Variants in COL22A1 observed in about 807,000 individuals in gnomAD.
COL22A1 encodes the protein collagen type XXII alpha 1 chain.
A neutral mutation model predicts 248.9 loss-of-function variants in COL22A1; 221 were observed. That is an observed-to-expected ratio of 0.89 (90% CI 0.80 to 0.99). The LOEUF (loss-of-function observed/expected upper bound fraction) is 0.99, where lower values mean the gene tolerates loss of function less well. Ranked by LOEUF, COL22A1 falls within the 50% of genes least tolerant of loss-of-function variation. The probability of loss-of-function intolerance (pLI) is 0.00; values close to 1 mark genes in which losing one functional copy is unlikely to be tolerated. For missense variants in COL22A1, 2,240 were observed against 2,179.0 expected (o/e 1.03, Z -0.56); for synonymous variants, 891 against 793.4 (o/e 1.12, Z -2.07).
At chr8:138,820,804 C>T (rs182825223) in intron 7 of COL22A1, among the ~76,000 whole-genome samples, 7 of 152,270 alleles carry the variant, frequency 4.6e-5, no homozygotes, top group Non-Finnish European at 7.4e-5. Flanking sequence ...ATTGTTTATG[C>T]GGCCAGATCC....
intron 42 of COL22A1, among the ~76,000 whole-genome samples, chr8:138,663,012 T>TCTCACACACACACACACA (rs1554737802): frequency 1.4e-5 from 2 of 140,770 alleles, no homozygotes; most frequent in African/African-American, 5.2e-5. Context: ...CAGGACTCTG[T>TCTCACACACACACACACA]CACTCACACA....
At chr8:138,712,427 G>T (rs1202644486) in intron 30 of COL22A1, among the ~76,000 whole-genome samples, 2 of 152,096 alleles carry the variant, frequency 1.3e-5, no homozygotes, top group Non-Finnish European at 2.9e-5. Context: ...ACTCAGGGTG[G>T]GACTCCCAAC....
In COL22A1 at chr8:138,716,848, G is replaced by T. The variant is rs932984397; in HGVS notation, c.2377C>A (p.Leu793Met). 6.2e-7 allele frequency: 1 copy of T among 1,612,370 alleles called. No homozygotes were observed. Among genetic ancestry groups the T allele is most frequent in the Admixed American group, 1.7e-5 (1 of 60,024 alleles). Residue 793 changes from leucine to methionine, a missense_variant, in exon 28 of 65, where the codon CTG becomes ATG. Coordinates refer to ENST00000303045, the MANE Select transcript of COL22A1 (RefSeq NM_152888.3). ...GLRGEIGEQG[L>M]AGRPGEKGEA... Reference sequence around the variant, plus strand: ...ACCTTCTCTCCAGGTCGGCCTGCCAGGCCCTGCTCCCCAATTTCTCCCTGA... The same window carrying T: ...ACCTTCTCTCCAGGTCGGCCTGCCATGCCCTGCTCCCCAATTTCTCCCTGA...
In COL22A1 at chr8:138,589,438, G is replaced by A. The variant is rs780444476; in HGVS notation, c.4696C>T (p.Gln1566Ter). Residue 1566 changes from glutamine (Q) to a stop codon, truncating the protein, a stop_gained and splice_region_variant, in exon 65 of 65, where the codon CAA becomes TAA. Coordinates refer to ENST00000303045, the MANE Select transcript of COL22A1 (RefSeq NM_152888.3). LOFTEE classifies it high-confidence loss of function. The part of the protein sequence containing the change: ...GEMGPPGIPG[Q>*]PGEPGYAKDG... ...TTAGCATAGCCAGGTTCCCCGGGTT[G>A]ACCTGGCCCAAGGAGCAAAAGAAAC... 6.5e-7 allele frequency: 1 copy of A among 1,544,716 alleles called. No individual in the cohort carries two copies. Among genetic ancestry groups the A allele is most frequent in the African/African-American group, 1.4e-5 (1 of 71,578 alleles).
chr8:138,883,188 G>T lies in COL22A1; in HGVS notation c.-16C>A. 1 of 1,564,372 alleles carries T rather than the reference G, an allele frequency of 6.4e-7. No homozygotes were observed. The highest frequency in any genetic ancestry group is 8.7e-7 in the Non-Finnish European group (1 of 1,154,058). ...GGCCGGCCATGGCTCTCCTGTTCTT[G>T]GGGACAGGCTTCTCTTGGCCAGGAA... is the stretch of plus-strand genomic sequence containing the variant. On this transcript the variant is annotated 5_prime_UTR_variant, in exon 2 of 65. Coordinates refer to ENST00000303045, the MANE Select transcript of COL22A1 (RefSeq NM_152888.3).
intron 13 of COL22A1, 81 bp downstream of exon 13, chr8:138,780,846 A>C (rs1490742788): frequency 4.2e-6 from 5 of 1,196,762 alleles, no homozygotes; most frequent in Non-Finnish European, 6.2e-6. Flanking sequence ...ATGCCACCCC[A>C]CTTAAGGACA....
At chr8:138,812,161 A>G (rs771200813) in intron 8 of COL22A1, among the ~76,000 whole-genome samples, 26 of 152,214 alleles carry the variant, frequency 1.7e-4, no homozygotes, top group Non-Finnish European at 3.1e-4. Flanking sequence ...AGTGCTCAAC[A>G]GTTCCCGCTG....
At position 138,596,889 on chromosome 8, in the gene COL22A1, A is replaced by C; in HGVS notation, c.4432+15T>G. On this transcript the variant is annotated intron_variant, in intron 62 of 64. Coordinates refer to ENST00000303045, the MANE Select transcript of COL22A1 (RefSeq NM_152888.3). Reference sequence around the variant, plus strand: ...GCTCTTCTCTGCAAGACCGTAACACAGTCCAGATACTCACTTTCAAGCTGC... The same window carrying C: ...GCTCTTCTCTGCAAGACCGTAACACCGTCCAGATACTCACTTTCAAGCTGC... The C allele has an allele frequency of 3.1e-6, 5 of 1,612,974 alleles. No homozygotes were observed. The highest frequency in any genetic ancestry group is 4.2e-6 in the Non-Finnish European group (5 of 1,179,124).
chr8:138,617,019 A>G, intron 53 of COL22A1, 61 bp from the exon 54 acceptor site: 1 of 1,583,788 alleles, frequency 6.3e-7, no homozygotes, highest in Non-Finnish European at 8.7e-7. Flanking sequence ...AGAAGTGGGC[A>G]GGCATACCTC....
At chr8:138,602,605 GAT>G (rs1818114229) in intron 59 of COL22A1, among the ~76,000 whole-genome samples, 1 of 152,114 alleles carries the variant, frequency 6.6e-6, no homozygotes, top group Non-Finnish European at 1.5e-5. Flanking sequence ...TCTCTGTCCG[GAT>G]ACCTACTTCC....
chr8:138,872,562 G>A (rs1173740595), intron 3 of COL22A1, among the ~76,000 whole-genome samples: 4 of 152,216 alleles, frequency 2.6e-5, no homozygotes, highest in Non-Finnish European at 4.4e-5. Flanking sequence ...TATAAAGCTC[G>A]TTTTGTGGCC....
intron 32 of COL22A1, 86 bp downstream of exon 32, chr8:138,700,026 C>T: frequency 2.3e-6 from 3 of 1,292,678 alleles, no homozygotes; most frequent in South Asian, 1.2e-5. Flanking sequence ...GTCCTCACCC[C>T]ACCCAGTCCA....
At chr8:138,789,417 C>T (rs1815836228) in intron 12 of COL22A1, among the ~76,000 whole-genome samples, 1 of 152,162 alleles carries the variant, frequency 6.6e-6, no homozygotes, top group African/African-American at 2.4e-5. Context: ...CATTAATGCA[C>T]AGGCTAAGAA....
chr8:138,641,241 G>A (rs1437239661), intron 47 of COL22A1, among the ~76,000 whole-genome samples: 1 of 152,136 alleles, frequency 6.6e-6, no homozygotes, highest in African/African-American at 2.4e-5. Flanking sequence ...TTCAGGTAGT[G>A]CCAATGGCAG....
At chr8:138,725,054 C>T (rs12550730) in intron 24 of COL22A1, among the ~76,000 whole-genome samples, 69,985 of 152,014 alleles carry the variant, frequency 0.46, 16,711 homozygotes, top group East Asian at 0.61. Context: ...CAAATGCTTG[C>T]CCGGGTCCTC....
At chr8:138,780,332 AG>A (rs1382371873) in intron 13 of COL22A1, among the ~76,000 whole-genome samples, 1 of 152,200 alleles carries the variant, frequency 6.6e-6, no homozygotes, top group Non-Finnish European at 1.5e-5. Flanking sequence ...TCCCTCTCTG[AG>A]ACCTGATCAT....
At chr8:138,788,580 G>C (rs181157063) in intron 12 of COL22A1, among the ~76,000 whole-genome samples, 2 of 152,234 alleles carry the variant, frequency 1.3e-5, no homozygotes, top group East Asian at 3.9e-4. Flanking sequence ...TGGCCTCCTG[G>C]AACATGCTTT....
At chr8:138,865,834 T>C (rs931027681) in intron 3 of COL22A1, among the ~76,000 whole-genome samples, 8 of 151,702 alleles carry the variant, frequency 5.3e-5, no homozygotes, top group Admixed American at 2.6e-4. Flanking sequence ...TGTGTGTGTA[T>C]ATGTATGCCT....
At chr8:138,626,642 G>A (rs1437055862) in intron 50 of COL22A1, among the ~76,000 whole-genome samples, 2 of 152,160 alleles carry the variant, frequency 1.3e-5, no homozygotes, top group Non-Finnish European at 2.9e-5. Context: ...CATACCTCAG[G>A]ACCTTGAGGT....
Sources: gnomAD v4.1 joint callset for allele counts (sites outside exome capture counted in the v4.1 genomes callset) on GRCh38, gnomAD v4.1.1 for gene constraint, MANE v1.5 for transcripts, NCBI Gene and HGNC (gene_info 2026-07-23, HGNC 2026-07-21) for gene names.